Variants in PUDP observed in about 807,000 individuals in gnomAD.
The protein encoded by PUDP is pseudouridine-5'-phosphatase.
A neutral mutation model predicts 9.4 loss-of-function variants in PUDP; 8 were observed. The observed-to-expected ratio is 0.85, with a 90% CI of 0.50 to 1.53. The LOEUF is 1.53. Ranked by LOEUF, PUDP falls within the 40% of genes most tolerant of loss-of-function variation. PUDP has a pLI of 0.00. For missense variants in PUDP, 188 were observed against 189.7 expected (o/e 0.99, Z 0.05); for synonymous variants, 99 against 80.7 (o/e 1.23, Z -1.22).
At chrX:7,067,721 A>G (rs1198467352) in intron 3 of PUDP, among the ~76,000 whole-genome samples, 1 of 111,702 alleles carries the variant, frequency 9.0e-6, no homozygotes, top group East Asian at 2.8e-4. Flanking sequence ...TGTGGGGAAC[A>G]CCACGGGAAA....
At chrX:6,820,013 T>C (rs1429602485) in intron 3 of PUDP, among the ~76,000 whole-genome samples, 1 of 109,948 alleles carries the variant, frequency 9.1e-6, no homozygotes, top group African/African-American at 3.3e-5. Context: ...CTTTTTTTTT[T>C]TTGACTGGGA....
intron 3 of PUDP, among the ~76,000 whole-genome samples, chrX:6,788,189 A>G (rs1736724354): frequency 8.9e-6 from 1 of 112,043 alleles, no homozygotes; most frequent in African/African-American, 3.2e-5. Context: ...TCTGTTTTTC[A>G]CTTTCAGGAC....
chrX:6,973,317 T>A (rs1428930229), intron 3 of PUDP, among the ~76,000 whole-genome samples: 1 of 112,171 alleles, frequency 8.9e-6, no homozygotes, highest in African/African-American at 3.2e-5. Context: ...CAATTTTGGA[T>A]CTTTCCCACT....
At chrX:7,078,450 G>A (rs937514278) in intron 2 of PUDP, among the ~76,000 whole-genome samples, 4 of 111,432 alleles carry the variant, frequency 3.6e-5, no homozygotes, top group Non-Finnish European at 7.5e-5. Flanking sequence ...GTGCCACCAC[G>A]CCCAGCTAAT....
At chrX:6,800,112 G>T (rs928759362) in intron 3 of PUDP, among the ~76,000 whole-genome samples, 1 of 111,900 alleles carries the variant, frequency 8.9e-6, no homozygotes, top group African/African-American at 3.2e-5. Flanking sequence ...ACAATAGGAA[G>T]AATTGTATTT....
intron 3 of PUDP, among the ~76,000 whole-genome samples, chrX:6,787,725 C>T (rs1378331802): frequency 1.8e-5 from 2 of 112,158 alleles, no homozygotes; most frequent in Non-Finnish European, 3.8e-5. Flanking sequence ...TCATTAATTA[C>T]TTTCTTTTAA....
intron 2 of PUDP, among the ~76,000 whole-genome samples, chrX:7,095,231 T>C (rs896945119): frequency 1.2e-4 from 13 of 112,151 alleles, no homozygotes; most frequent in African/African-American, 3.9e-4. Context: ...GAGGCCAGCC[T>C]CCATAATCAG....
intron 1 of PUDP, among the ~76,000 whole-genome samples, chrX:7,128,732 C>G (rs1256844140): frequency 9.0e-6 from 1 of 111,615 alleles, no homozygotes; most frequent in African/African-American, 3.3e-5. Context: ...TTTAATGTTT[C>G]TATCTGGGGA....
intron 3 of PUDP, among the ~76,000 whole-genome samples, chrX:6,852,680 A>T (rs1291673840): frequency 1.8e-5 from 2 of 112,012 alleles, no homozygotes; most frequent in Non-Finnish European, 3.8e-5. Flanking sequence ...TATCTTTAAT[A>T]TTTGTAAACA....
chrX:6,873,745 T>C (rs1379980808), intron 3 of PUDP, among the ~76,000 whole-genome samples: 1 of 111,837 alleles, frequency 8.9e-6, no homozygotes, highest in Non-Finnish European at 1.9e-5. Flanking sequence ...TAGTTGTCAA[T>C]CAGATGGATG....
At chrX:6,921,024 G>A (rs1304930263) in intron 3 of PUDP, among the ~76,000 whole-genome samples, 2 of 110,471 alleles carry the variant, frequency 1.8e-5, no homozygotes, top group South Asian at 4.0e-4. Flanking sequence ...TGTCCTCCTT[G>A]TTCCTCAGTA....
At chrX:7,119,448 A>C (rs1932281494) in intron 1 of PUDP, among the ~76,000 whole-genome samples, 2 of 112,814 alleles carry the variant, frequency 1.8e-5, no homozygotes, top group Non-Finnish European at 3.7e-5. Flanking sequence ...GAAATGAATA[A>C]TTAAGCATAA....
At chrX:6,998,263 T>A (rs1187716569) in intron 1 of PUDP, among the ~76,000 whole-genome samples, 1 of 111,212 alleles carries the variant, frequency 9.0e-6, no homozygotes, top group Non-Finnish European at 1.9e-5. Flanking sequence ...GAGATAATAA[T>A]GCCTTGTATG....
chrX:7,011,665 A>C (rs2146814712), intron 1 of PUDP, among the ~76,000 whole-genome samples: 1 of 112,407 alleles, frequency 8.9e-6, no homozygotes, highest in African/African-American at 3.2e-5. Flanking sequence ...GGGAGCAGGC[A>C]GCACCCCTGC....
chrX:6,849,481 C>G (rs946546289), intron 3 of PUDP, among the ~76,000 whole-genome samples: 2 of 111,747 alleles, frequency 1.8e-5, no homozygotes, highest in Non-Finnish European at 3.8e-5. Context: ...GGGCAAGAGA[C>G]TCAAGCTCTC....
rs147528704 is a variant in PUDP, at chrX:6,766,095, A to T, written c.*248-59629T>A. On this transcript the variant is annotated intron_variant and NMD_transcript_variant, in intron 3 of 3. Coordinates refer to the PUDP transcript ENST00000655425. ...ATGGAAGTGGCACAATATTTTTCAGATGCTTAAAAAAAAAACTGTCAACCC... is the reference window on the plus strand; with the variant it reads ...ATGGAAGTGGCACAATATTTTTCAGTTGCTTAAAAAAAAAACTGTCAACCC... Among the ~76,000 whole-genome samples, 139 of 111,433 alleles carry T rather than the reference A, an allele frequency of 1.2e-3. 4 individuals carry two copies. In the East Asian group the frequency reaches 0.029, roughly 23 times the overall value.
At chrX:6,714,716 A>G (rs1410755025) in intron 1 of PUDP, among the ~76,000 whole-genome samples, 1 of 111,451 alleles carries the variant, frequency 9.0e-6, no homozygotes, top group Non-Finnish European at 1.9e-5. Context: ...ATGATTGATG[A>G]TAGATAGATA....
At chrX:6,848,028 G>A (rs956614734) in intron 3 of PUDP, among the ~76,000 whole-genome samples, 3 of 111,951 alleles carry the variant, frequency 2.7e-5, no homozygotes, top group Non-Finnish European at 5.6e-5. Flanking sequence ...TTTAGGAGTC[G>A]GGTCTGAATC....
chrX:6,852,998 G>A (rs1201625832), intron 3 of PUDP, among the ~76,000 whole-genome samples: 2 of 111,854 alleles, frequency 1.8e-5, no homozygotes, highest in African/African-American at 6.5e-5. Context: ...TTTTGCATAA[G>A]GCACACATTT....
Sources: gnomAD v4.1 joint callset for allele counts (sites outside exome capture counted in the v4.1 genomes callset) on GRCh38, gnomAD v4.1.1 for gene constraint, MANE v1.5 for transcripts, NCBI Gene and HGNC (gene_info 2026-07-23, HGNC 2026-07-21) for gene names.